The following SNED1 variants were observed in gnomAD, a reference collection of about 807,000 sequenced individuals.
SNED1 encodes the protein sushi, nidogen and EGF like domains 1, also known as sushi, nidogen and EGF-like domain-containing protein 1.
In SNED1, 81 loss-of-function variants were observed where a neutral mutation model predicts 166.7. The observed-to-expected ratio is 0.49, with a 90% CI of 0.41 to 0.58. SNED1 has a LOEUF of 0.58. SNED1 is among the 20% of genes least tolerant of loss of function. The pLI is 0.00. For synonymous variants in SNED1, 762 were observed against 822.0 expected (o/e 0.93, Z 1.25); for missense variants, 1,604 against 2,000.2 (o/e 0.80, Z 3.78).
chr2:241,079,833 G>A (rs1263090761), intron 27 of SNED1, among the ~76,000 whole-genome samples: 1 of 152,178 alleles, frequency 6.6e-6, no homozygotes, highest in African/African-American at 2.4e-5. Flanking sequence ...GCCAAGGAAT[G>A]TTAGGCTATA....
At position 241,002,694 on chromosome 2, in the gene SNED1, C is replaced by T. The variant is rs529049575; in HGVS notation, c.213+3644C>T. Reference sequence around the variant, plus strand: ...GAGAGGATGGAGCAGGACGTCATGCCCAGTGCAGATGAGGAAACCGAGGCT... The same window carrying T: ...GAGAGGATGGAGCAGGACGTCATGCTCAGTGCAGATGAGGAAACCGAGGCT... On this transcript the variant is annotated intron_variant, in intron 1 of 31. Transcript: ENST00000310397. Among the ~76,000 whole-genome samples, 168 of 152,176 alleles carry T rather than the reference C, an allele frequency of 1.1e-3. 2 individuals are homozygous for T. In the South Asian group the frequency reaches 0.022, roughly 20 times the overall value.
At chr2:241,048,820 G>A in intron 10 of SNED1, 54 bp downstream of exon 10, 1 of 1,443,596 alleles carries the variant, frequency 6.9e-7, no homozygotes, top group East Asian at 2.4e-5. Context: ...TCATAATCGG[G>A]AAATGAATGG....
At chr2:241,089,532 T>C (rs13421760) in intron 31 of SNED1, among the ~76,000 whole-genome samples, 2,499 of 152,112 alleles carry the variant, frequency 0.016, 62 homozygotes, top group African/African-American at 0.057. Flanking sequence ...GAGCTCTGAG[T>C]TGGCCATGAC....
rs142193960 is a variant in SNED1, at chr2:241,018,235, C to T, written c.214-12049C>T. 5.5e-3 allele frequency among the ~76,000 whole-genome samples: 834 copies of T among 152,340 alleles called. 3 individuals carry two copies. The highest frequency in any genetic ancestry group is 0.01 in the Non-Finnish European group (692 of 68,038). On this transcript the variant is annotated intron_variant, in intron 1 of 31. Coordinates refer to ENST00000310397, the MANE Select transcript of SNED1 (RefSeq NM_001080437.3). This position sits in a 1 kb window ranked among gnomAD's most constrained non-coding sequence, Gnocchi z 5.4. ...CACCATACACGACGTAACCCACAGG[C>T]GCTCAGATGACGGGGAAGCTATGAA... is the stretch of plus-strand genomic sequence containing the variant.
At chr2:241,085,929 C>A (rs2063554111) in intron 29 of SNED1, among the ~76,000 whole-genome samples, 1 of 136,718 alleles carries the variant, frequency 7.3e-6, no homozygotes. Flanking sequence ...TGCAGTGGAG[C>A]GATCTCAGCT....
intron 18 of SNED1, 45 bp downstream of exon 18, chr2:241,063,745 C>T: frequency 7.3e-7 from 1 of 1,362,686 alleles, no homozygotes; most frequent in Non-Finnish European, 1.0e-6. Context: ...GCCTGGGCCT[C>T]TGGAAGATCA....
rs1273706310 is a variant in SNED1, at chr2:241,051,417, C to T, written c.1736-327C>T. 7.5e-6 allele frequency: 2 copies of T among 268,336 alleles called. No homozygotes were observed. The highest frequency in any genetic ancestry group is 2.2e-5 in the African/African-American group (1 of 45,516). The allele number at this position is 268,336 out of a possible 1,614,324, so 16.6% of individuals were successfully genotyped here. A position where few individuals can be genotyped will look rare whatever the true frequency, so the allele number is the denominator to read the frequency against. ...CTGTCAGATGGGGAATGCCCGTGTGCAGGAGGGAGGGAGTGCTGCGCCCGC... is the reference window on the plus strand; with the variant it reads ...CTGTCAGATGGGGAATGCCCGTGTGTAGGAGGGAGGGAGTGCTGCGCCCGC... On this transcript the variant is annotated intron_variant, in intron 12 of 31. Transcript: ENST00000310397. This position sits in a 1 kb window ranked among gnomAD's most constrained non-coding sequence, Gnocchi z 4.7.
At chr2:241,066,268 G>C (rs1348302955) in intron 21 of SNED1, among the ~76,000 whole-genome samples, 1 of 152,188 alleles carries the variant, frequency 6.6e-6, no homozygotes, top group African/African-American at 2.4e-5. Context: ...GTGTCGGGGA[G>C]CAGAAGATGC....
At chr2:241,061,663 G>T (rs922254868) in intron 16 of SNED1, among the ~76,000 whole-genome samples, 6 of 152,106 alleles carry the variant, frequency 3.9e-5, no homozygotes, top group Non-Finnish European at 8.8e-5. Flanking sequence ...GAGGCAGGCG[G>T]ATCACGAAGT....
rs543973685 is a variant in SNED1, at chr2:241,085,802, A to G, written c.4122-1590A>G. Among the ~76,000 whole-genome samples the G allele has an allele frequency of 2.7e-5, 4 of 147,448 alleles. No homozygotes were observed. In the South Asian group the frequency reaches 8.8e-4, roughly 32 times the overall value. On this transcript the variant is annotated intron_variant, in intron 29 of 31. Coordinates refer to ENST00000310397, the MANE Select transcript of SNED1 (RefSeq NM_001080437.3). ...GGCTTGTTTTAGGTGGCTTTGGAGTAGCCTTTATTCTGGGGTTAATTTTGC... is the reference window on the plus strand; with the variant it reads ...GGCTTGTTTTAGGTGGCTTTGGAGTGGCCTTTATTCTGGGGTTAATTTTGC...
intron 26 of SNED1, chr2:241,072,312 C>T (rs866140673): frequency 9.3e-6 from 4 of 429,034 alleles, no homozygotes; most frequent in African/African-American, 4.0e-5. Context: ...AAGATCTTCC[C>T]GGTGGCAGCA....
intron 6 of SNED1, among the ~76,000 whole-genome samples, chr2:241,039,760 C>T (rs2061470839): frequency 6.6e-6 from 1 of 152,164 alleles, no homozygotes. Flanking sequence ...TAAGAGCCAC[C>T]TAGGGAGGGA....
At chr2:241,088,708 G>A (rs765404726) in intron 31 of SNED1, 32 of 397,116 alleles carry the variant, frequency 8.1e-5, no homozygotes, top group Non-Finnish European at 1.2e-4. Flanking sequence ...TAGATCAGCT[G>A]CAGTGGGAGG....
intron 16 of SNED1, among the ~76,000 whole-genome samples, chr2:241,053,926 CT>C (rs1408796898): frequency 6.6e-6 from 1 of 152,196 alleles, no homozygotes; most frequent in Non-Finnish European, 1.5e-5. Context: ...ATCAGAAAGT[CT>C]GTGTGATGTG....
chr2:241,059,203 T>C (rs914430933), intron 16 of SNED1, among the ~76,000 whole-genome samples: 2 of 152,114 alleles, frequency 1.3e-5, no homozygotes, highest in Non-Finnish European at 2.9e-5. Context: ...ACAAGAATAA[T>C]AGAAAACATA....
intron 1 of SNED1, among the ~76,000 whole-genome samples, chr2:241,029,799 T>C (rs1371294325): frequency 6.6e-6 from 1 of 152,056 alleles, no homozygotes; most frequent in Non-Finnish European, 1.5e-5. Context: ...CCCCTGGCCA[T>C]CCCCCTCCGC....
rs2061827925 is a variant in SNED1 at position 241,051,196 on chromosome 2, A to G, written c.1736-548A>G. On this transcript the variant is annotated intron_variant, in intron 12 of 31. Transcript: ENST00000310397. This position sits in a 1 kb window ranked among gnomAD's most constrained non-coding sequence, Gnocchi z 4.7. ...TGTGATTGTCAAGGTGGCAGGACAG[A>G]TGTGCTTGGTTTCGCAGACACCTTT... 6.6e-6 allele frequency: 1 copy of G among 152,322 alleles called. No homozygotes were observed. The highest frequency in any genetic ancestry group is 2.4e-5 in the African/African-American group (1 of 41,454). The allele number at this position is 152,322 out of a possible 1,614,324, so 9.4% of individuals were successfully genotyped here. A position where few individuals can be genotyped will look rare whatever the true frequency, so the allele number is the denominator to read the frequency against.
Position 241,048,718 on chromosome 2 carries a change from A to T in SNED1, c.1456A>T (p.Thr486Ser), listed in dbSNP as rs2061739253. The T allele has an allele frequency of 6.2e-7, 1 of 1,612,378 alleles. No homozygotes were observed. The highest frequency in any genetic ancestry group is 1.3e-5 in the African/African-American group (1 of 74,768). Residue 486 changes from threonine to serine, a missense_variant, in exon 10 of 32, where the codon ACC (threonine) becomes TCC (serine). By Grantham distance (58) the Thr-to-Ser change is moderately conservative (BLOSUM62 1). Transcript: ENST00000310397. ...AGGCAGATGCCTGGGCGCCAACACC[A>T]CCCTCTGCCAGTGCCCCCTGGGATT... Reference protein sequence around the residue: ...NGGRCLGANTTLCQCPLGFFG... With the variant: ...NGGRCLGANTSLCQCPLGFFG...
intron 2 of SNED1, among the ~76,000 whole-genome samples, chr2:241,032,693 C>A (rs2061227481): frequency 6.6e-6 from 1 of 152,170 alleles, no homozygotes; most frequent in South Asian, 2.1e-4. Context: ...TGTCATTTTC[C>A]AACTTTGCCA....
Sources: allele counts gnomAD v4.1 joint callset (sites outside exome capture counted in the v4.1 genomes callset), GRCh38; gene constraint gnomAD v4.1.1; non-coding constraint Gnocchi (gnomAD v3.1); transcripts MANE v1.5; gene names NCBI Gene and HGNC (gene_info 2026-07-23, HGNC 2026-07-21).